The following POLN variants were observed in gnomAD, a reference collection of about 807,000 sequenced individuals.
POLN encodes the protein DNA polymerase nu, also known as DNA polymerase N.
A neutral mutation model predicts 113.5 loss-of-function variants in POLN; 108 were observed. The observed-to-expected ratio is 0.95, with a 90% CI of 0.81 to 1.12. The LOEUF is 1.12. Among genes scored for constraint, POLN ranks in the 50% most tolerant of loss-of-function variants. The pLI is 0.00. For missense variants in POLN, 1,097 were observed against 1,077.1 expected, an observed-to-expected ratio of 1.02 and a Z score of -0.26; for synonymous variants, 386 against 391.5, an observed-to-expected ratio of 0.99 and a Z score of 0.17.
chr4:2,216,013 C>A (rs776176000), intron 3 of POLN, among the ~76,000 whole-genome samples: 33 of 152,222 alleles, frequency 2.2e-4, no homozygotes, highest in Non-Finnish European at 3.7e-4. Flanking sequence ...ATAGCCCCAG[C>A]ATTTGCCATC....
At chr4:2,219,301 TC>T (rs2108769078) in intron 3 of POLN, among the ~76,000 whole-genome samples, 1 of 152,194 alleles carries the variant, frequency 6.6e-6, no homozygotes, top group South Asian at 2.1e-4. Flanking sequence ...AGTATCCCTT[TC>T]CCCCTTGTAT....
intron 16 of POLN, among the ~76,000 whole-genome samples, chr4:2,145,204 G>C (rs545797785): frequency 6.6e-6 from 1 of 151,406 alleles, no homozygotes; most frequent in Non-Finnish European, 1.5e-5. Flanking sequence ...ACACATTATA[G>C]GCGAAAAAAA....
At chr4:2,079,564 G>A in intron 23 of POLN, 1 of 985,572 alleles carries the variant, frequency 1.0e-6, no homozygotes, top group Non-Finnish European at 1.2e-6. Context: ...AGTGAGATGG[G>A]GCAGGAGAGG....
chr4:2,080,321 G>A, intron 23 of POLN: 1 of 1,004,958 alleles, frequency 1.0e-6, no homozygotes, highest in African/African-American at 1.7e-5. Flanking sequence ...CTGAGGCAGG[G>A]ACAGAGGCCT....
At chr4:2,214,329 A>T (rs1409025676) in intron 3 of POLN, among the ~76,000 whole-genome samples, 1 of 152,226 alleles carries the variant, frequency 6.6e-6, no homozygotes, top group African/African-American at 2.4e-5. Context: ...CTTTATATAC[A>T]ACAAAGATAG....
At chr4:2,132,545 A>G (rs1270365418) in intron 16 of POLN, among the ~76,000 whole-genome samples, 3 of 152,230 alleles carry the variant, frequency 2.0e-5, no homozygotes, top group Non-Finnish European at 4.4e-5. Context: ...AAACATCATA[A>G]TCAAACTGCT....
intron 2 of POLN, among the ~76,000 whole-genome samples, chr4:2,239,372 G>C (rs1453410673): frequency 6.6e-6 from 1 of 152,110 alleles, no homozygotes; most frequent in African/African-American, 2.4e-5. Context: ...TTTTTCTTAA[G>C]TTAAAATTAC....
chr4:2,169,086 G>A (rs894784905), intron 13 of POLN, among the ~76,000 whole-genome samples: 1 of 152,158 alleles, frequency 6.6e-6, no homozygotes, highest in African/African-American at 2.4e-5. Flanking sequence ...TTTGTGGCAC[G>A]AGTCTGGGGA....
chr4:2,072,471 C>A (rs952150368), intron 25 of POLN, among the ~76,000 whole-genome samples, 172 bp from the exon 26 acceptor site: 16 of 152,234 alleles, frequency 1.1e-4, no homozygotes, highest in African/African-American at 3.9e-4. Context: ...ACCACACTCG[C>A]CCAGCAACAG....
At chr4:2,108,102 C>T (rs1260720245) in intron 19 of POLN, among the ~76,000 whole-genome samples, 3 of 152,206 alleles carry the variant, frequency 2.0e-5, no homozygotes, top group Non-Finnish European at 4.4e-5. Flanking sequence ...AAGAAGCCTT[C>T]CTGACTCCAA....
chr4:2,241,626 G>C lies in POLN; in HGVS notation c.-119C>G, dbSNP rs556820976. ...GCGGCCACAATTAAGGGTGCTTCGG[G>C]CCGGCCTTCAGCCAGCGCTGAGGCA... On this transcript the variant is annotated 5_prime_UTR_variant, in exon 2 of 26. Transcript: ENST00000511885. 1.0e-6 allele frequency: 1 copy of C among 985,468 alleles called. No homozygotes were observed. The highest frequency in any genetic ancestry group is 4.7e-5 in the South Asian group (1 of 21,292). The allele number at this position is 985,468 out of a possible 1,614,324, so 61.0% of individuals were successfully genotyped here.
chr4:2,164,769 C>T (rs988841126), intron 13 of POLN, among the ~76,000 whole-genome samples: 5 of 124,352 alleles, frequency 4.0e-5, no homozygotes, highest in African/African-American at 6.1e-5. Flanking sequence ...TGCCACTGCA[C>T]TCCAACCTGG....
In POLN at chr4:2,171,119, C is replaced by A. The variant is rs368466724; in HGVS notation, c.1437G>T (p.Thr479=). 2 of 1,613,244 alleles carry A rather than the reference C, an allele frequency of 1.2e-6. No homozygotes were observed. Among genetic ancestry groups the A allele is most frequent in the African/African-American group, 2.7e-5 (2 of 74,892 alleles). ...TTACCTCTCGAAGCTGGTTATTGCT[C>A]GTTATAAGAAACCGTTCTCCTGCAA... ...HFVAGERFLI[T]SNNQLREILF... Residue 479 remains threonine (T), a synonymous_variant, in exon 12 of 26, where the codon ACG becomes ACT. Transcript: ENST00000511885.
chr4:2,221,934 G>C (rs1162883754), intron 3 of POLN, among the ~76,000 whole-genome samples: 2 of 152,102 alleles, frequency 1.3e-5, no homozygotes, highest in East Asian at 3.8e-4. Context: ...TTACCAGACC[G>C]AACCAATTAC....
At chr4:2,170,540 G>A (rs558692667) in intron 13 of POLN, 139 bp downstream of exon 13, 2 of 666,372 alleles carry the variant, frequency 3.0e-6, no homozygotes, top group South Asian at 4.1e-5. Context: ...ACCTTGGTGT[G>A]GGGAGCCCCT....
chr4:2,237,759 T>G (rs1362015241), intron 2 of POLN, among the ~76,000 whole-genome samples: 1 of 152,168 alleles, frequency 6.6e-6, no homozygotes, highest in Non-Finnish European at 1.5e-5. Context: ...AATGTAAAAT[T>G]TAAACAATGT....
At chr4:2,174,809 T>G (rs1455661848) in intron 9 of POLN, 58 bp from the exon 10 acceptor site, 4 of 1,334,234 alleles carry the variant, frequency 3.0e-6, no homozygotes, top group Non-Finnish European at 4.2e-6. Flanking sequence ...TATCTGCATT[T>G]TGTTGAAAAG....
intron 19 of POLN, among the ~76,000 whole-genome samples, chr4:2,099,684 T>C (rs936271173): frequency 1.6e-4 from 25 of 152,180 alleles, no homozygotes; most frequent in African/African-American, 6.0e-4. Flanking sequence ...GACTTTAGTT[T>C]ATAATAACAT....
chr4:2,078,815 C>G (rs571349950), intron 23 of POLN: 1 of 985,474 alleles, frequency 1.0e-6, no homozygotes, highest in Non-Finnish European at 1.2e-6. Flanking sequence ...TAACTGCGTT[C>G]CTGAGTAAAA....
Sources: allele counts gnomAD v4.1 joint callset (sites outside exome capture counted in the v4.1 genomes callset), GRCh38; gene constraint gnomAD v4.1.1; transcripts MANE v1.5; gene names NCBI Gene and HGNC (gene_info 2026-07-23, HGNC 2026-07-21).